DPH6: variants seen among roughly 807,000 people sequenced by gnomAD.
DPH6 encodes diphthine--ammonia ligase.
DPH6 carries 33 observed loss-of-function variants against 38.2 expected under a neutral mutation model. That is an observed-to-expected ratio of 0.86 (90% CI 0.65 to 1.15). The LOEUF (loss-of-function observed/expected upper bound fraction) is 1.15, where lower values mean the gene tolerates loss of function less well. Ranked by LOEUF, DPH6 falls within the 50% of genes most tolerant of loss-of-function variation. DPH6 has a pLI of 0.00. For missense variants in DPH6, 325 were observed against 320.0 expected, an observed-to-expected ratio of 1.02 and a Z score of -0.12; for synonymous variants, 108 against 103.0, an observed-to-expected ratio of 1.05 and a Z score of -0.30.
At chr15:35,166,188 T>A in the DPH6 span, among the ~76,000 whole-genome samples, 1 of 151,880 alleles carries the variant, frequency 6.6e-6, no homozygotes, top group African/African-American at 2.4e-5. Flanking sequence ...GGAGGTGCCC[T>A]CCTTCTACCC....
chr15:35,364,329 G>A lies in DPH6; in HGVS notation n.207+9192C>T, dbSNP rs146292120. Among the ~76,000 whole-genome samples the A allele has an allele frequency of 3.4e-3, 520 of 151,760 alleles. 2 individuals are homozygous for A. The highest frequency in any genetic ancestry group is 0.012 in the African/African-American group (480 of 41,424). ...TCTATTTATCACATACCTATCATTC[G>A]CCATCAATCCATTTCATATTTTTAA... is the stretch of plus-strand genomic sequence containing the variant. On this transcript the variant is annotated intron_variant and non_coding_transcript_variant, in intron 3 of 3. Coordinates refer to the DPH6 transcript ENST00000558973.
intron 3 of DPH6, among the ~76,000 whole-genome samples, chr15:35,294,649 T>C (rs2052002977): frequency 6.6e-6 from 1 of 152,164 alleles, no homozygotes; most frequent in African/African-American, 2.4e-5. Flanking sequence ...ATACTGTGCT[T>C]GAGATACAAC....
At chr15:35,473,192 G>A (rs555457667) in intron 3 of DPH6, among the ~76,000 whole-genome samples, 5 of 152,228 alleles carry the variant, frequency 3.3e-5, no homozygotes, top group African/African-American at 1.2e-4. Context: ...ATTAACAAAT[G>A]CTATGGATAT....
intron 3 of DPH6, among the ~76,000 whole-genome samples, chr15:35,515,548 C>T (rs976143184): frequency 2.0e-5 from 3 of 151,784 alleles, no homozygotes; most frequent in African/African-American, 7.2e-5. Flanking sequence ...GGTGAAACCC[C>T]GTCTCTACTA....
chr15:35,413,101 C>G lies in DPH6; in HGVS notation c.506-2205G>C, dbSNP rs1186554807. On this transcript the variant is annotated intron_variant, in intron 5 of 8. Coordinates refer to ENST00000256538, the MANE Select transcript of DPH6 (RefSeq NM_080650.4). ...TATGGGGTCAGGGTAAATGGAAAAT[C>G]TCTGTACATTTCTCTTAATTTGCTG... Among the ~76,000 whole-genome samples, 5 of 151,548 alleles carry G rather than the reference C, an allele frequency of 3.3e-5. No homozygotes were observed. The Admixed American group carries it at 3.3e-4, about 10-fold the overall frequency.
chr15:35,239,690 C>T (rs1351060022), intron 3 of DPH6, among the ~76,000 whole-genome samples: 1 of 142,256 alleles, frequency 7.0e-6, no homozygotes, highest in Non-Finnish European at 1.5e-5. Context: ...AACCCCTTCT[C>T]CTTCACCCTT....
chr15:35,347,222 T>C (rs1349649707), intron 3 of DPH6, among the ~76,000 whole-genome samples: 1 of 152,190 alleles, frequency 6.6e-6, no homozygotes, highest in Non-Finnish European at 1.5e-5. Context: ...CTACCACATA[T>C]ACTTGGAATC....
In DPH6 at chr15:35,538,278, A is replaced by G; in HGVS notation, c.308T>C (p.Val103Ala). 6.5e-7 allele frequency: 1 copy of G among 1,535,106 alleles called. No homozygotes were observed. The highest frequency in any genetic ancestry group is 8.9e-7 in the Non-Finnish European group (1 of 1,124,828). The change falls in exon 3 of 9, where the codon GTT becomes GCT. Residue 103 changes from valine to alanine, a missense_variant. Val to Ala is a moderately conservative substitution (Grantham distance 64). Coordinates refer to ENST00000256538, the MANE Select transcript of DPH6 (RefSeq NM_080650.4). ...TTAATTGGTTACTCTGCATACCTTA[A>G]CAAGTTTCAAAAGCTCATAGAGATC... Reference protein sequence around the residue: ...VEDLYELLKLVKEKEEVEGIS... With the variant: ...VEDLYELLKLAKEKEEVEGIS...
At chr15:35,357,722 C>T (rs192936574) in intron 3 of DPH6, among the ~76,000 whole-genome samples, 11 of 152,290 alleles carry the variant, frequency 7.2e-5, no homozygotes, top group African/African-American at 2.4e-4. Flanking sequence ...AATCACTTCT[C>T]GCTTGTAGAG....
At chr15:35,399,213 T>C (rs1429415723) in intron 6 of DPH6, among the ~76,000 whole-genome samples, 1 of 151,932 alleles carries the variant, frequency 6.6e-6, no homozygotes, top group Non-Finnish European at 1.5e-5. Context: ...TTAGGGAGAT[T>C]AGAGAATATA....
intron 3 of DPH6, among the ~76,000 whole-genome samples, chr15:35,305,016 C>T (rs1181853590): frequency 6.6e-6 from 1 of 152,052 alleles, no homozygotes; most frequent in Non-Finnish European, 1.5e-5. Flanking sequence ...CTTCACATGA[C>T]AGCAAGGGAG....
the DPH6 span, among the ~76,000 whole-genome samples, chr15:35,158,172 A>G: frequency 6.6e-6 from 1 of 151,940 alleles, no homozygotes; most frequent in Admixed American, 6.6e-5. Flanking sequence ...GTATGCCCCT[A>G]TTTTGCATCA....
chr15:35,299,221 G>A lies in DPH6; in HGVS notation n.200+74300C>T, dbSNP rs547832964. 3.2e-6 allele frequency: 4 copies of A among 1,236,902 alleles called. No homozygotes were observed. The African/African-American group carries it at 5.9e-5, about 18-fold the overall frequency. The allele number at this position is 1,236,902 out of a possible 1,614,324, so 76.6% of individuals were successfully genotyped here. ...GGAACAGGATCCTTCAGCCCAGCTGGCACATGCGGTGGTGTGTCCACAATT... is the reference window on the plus strand; with the variant it reads ...GGAACAGGATCCTTCAGCCCAGCTGACACATGCGGTGGTGTGTCCACAATT... On this transcript the variant is annotated intron_variant and non_coding_transcript_variant, in intron 3 of 3. Coordinates refer to the DPH6 transcript ENST00000560386.
At chr15:35,210,945 A>ATTT in the DPH6 span, among the ~76,000 whole-genome samples, 5 of 105,926 alleles carry the variant, frequency 4.7e-5, no homozygotes, top group Admixed American at 3.1e-4. Flanking sequence ...TAGATAGATC[A>ATTT]CTTTTTTTTT....
intron 5 of DPH6, among the ~76,000 whole-genome samples, chr15:35,448,264 G>A (rs2053882805): frequency 2.0e-5 from 3 of 152,050 alleles, no homozygotes; most frequent in African/African-American, 7.2e-5. Flanking sequence ...TTTCTTTCCA[G>A]GAAGCCTACC....
chr15:35,445,457 T>G (rs769547136), intron 5 of DPH6, among the ~76,000 whole-genome samples: 1 of 150,710 alleles, frequency 6.6e-6, no homozygotes, highest in Non-Finnish European at 1.5e-5. Flanking sequence ...ATCATGAATA[T>G]GAACTGCCTG....
the DPH6 span, among the ~76,000 whole-genome samples, chr15:35,205,559 T>C: frequency 6.6e-6 from 1 of 152,136 alleles, no homozygotes; most frequent in African/African-American, 2.4e-5. Flanking sequence ...AAGATTGATC[T>C]TATCAAAATT....
At chr15:35,378,342 G>T (rs906746048) in intron 7 of DPH6, among the ~76,000 whole-genome samples, 3 of 152,204 alleles carry the variant, frequency 2.0e-5, no homozygotes, top group Non-Finnish European at 2.9e-5. Context: ...TGCTGGAGAG[G>T]ATGTGGAGAA....
At chr15:35,373,045 C>T (rs968633874) in intron 8 of DPH6, among the ~76,000 whole-genome samples, 1 of 151,780 alleles carries the variant, frequency 6.6e-6, no homozygotes, top group Admixed American at 6.6e-5. Context: ...TAAAATAAAA[C>T]TCTTTATTGT....
Sources: gnomAD v4.1 joint callset for allele counts (sites outside exome capture counted in the v4.1 genomes callset) on GRCh38, gnomAD v4.1.1 for gene constraint, MANE v1.5 for transcripts, NCBI Gene and HGNC (gene_info 2026-07-23, HGNC 2026-07-21) for gene names.